TTLL11: variants seen among roughly 807,000 people sequenced by gnomAD.
TTLL11 encodes tubulin tyrosine ligase like 11.
Under a neutral mutation model 51.7 loss-of-function variants are expected in TTLL11, and 42 were observed. The observed-to-expected ratio is 0.81, with a 90% confidence interval of 0.64 to 1.05. TTLL11 has a LOEUF of 1.05. Ranked by LOEUF, TTLL11 falls within the 50% of genes least tolerant of loss-of-function variation. The pLI is 0.00. For missense variants in TTLL11, 799 were observed against 940.4 expected (o/e 0.85, Z 1.97); for synonymous variants, 381 against 383.5 (o/e 0.99, Z 0.08).
chr9:122,052,456 C>T (rs1189026821), intron 1 of TTLL11, among the ~76,000 whole-genome samples: 1 of 152,158 alleles, frequency 6.6e-6, no homozygotes, highest in African/African-American at 2.4e-5. Flanking sequence ...ATAATGTCGA[C>T]TTGATTGGGT....
intron 3 of TTLL11, among the ~76,000 whole-genome samples, chr9:121,992,258 C>T (rs1046740125): frequency 1.3e-5 from 2 of 152,176 alleles, no homozygotes; most frequent in African/African-American, 4.8e-5. Context: ...GACCCTTCCG[C>T]CACTACTACC....
intron 7 of TTLL11, among the ~76,000 whole-genome samples, chr9:121,861,297 G>C (rs1332983539): frequency 1.3e-5 from 2 of 152,122 alleles, no homozygotes; most frequent in Non-Finnish European, 2.9e-5. Flanking sequence ...GGCTGGTCTT[G>C]AACTCCTGAT....
Position 121,967,210 on chromosome 9 carries a change from A to ATT in TTLL11, c.1481+6797_1481+6798dup, listed in dbSNP as rs150372226. Among the ~76,000 whole-genome samples the ATT allele has an allele frequency of 1.1e-3, 70 of 63,018 alleles. 1 individual carries two copies. Among genetic ancestry groups the ATT allele is most frequent in the East Asian group, 4.0e-3 (6 of 1,482 alleles). 41.3% of individuals were successfully genotyped at this position (63,018 alleles called of 152,430 possible). ...TCTGTCAGTGATGCTTCAGCGGGAGATTTTTTTTTTTTTTTTTTTTTTTTT... is the reference window on the plus strand; with the variant it reads ...TCTGTCAGTGATGCTTCAGCGGGAGATTTTTTTTTTTTTTTTTTTTTTTTTTT... On this transcript the variant is annotated intron_variant, in intron 6 of 8. Coordinates refer to ENST00000321582, the MANE Select transcript of TTLL11 (RefSeq NM_001139442.2).
intron 6 of TTLL11, among the ~76,000 whole-genome samples, chr9:121,939,319 G>A (rs992236688): frequency 1.3e-5 from 2 of 152,090 alleles, no homozygotes; most frequent in Non-Finnish European, 2.9e-5. Context: ...AAGTAAATGT[G>A]GATCCAACAT....
intron 4 of TTLL11, among the ~76,000 whole-genome samples, chr9:121,987,303 T>A (rs1842964676): frequency 6.6e-6 from 1 of 152,164 alleles, no homozygotes; most frequent in Non-Finnish European, 1.5e-5. Flanking sequence ...GTATTCTTTT[T>A]TCATATATAT....
chr9:122,031,639 G>T, intron 3 of TTLL11, 84 bp downstream of exon 3: 1 of 1,522,416 alleles, frequency 6.6e-7, no homozygotes, highest in Non-Finnish European at 8.9e-7. Flanking sequence ...GGGACCCCCT[G>T]TCCCAGCTCC....
intron 8 of TTLL11, among the ~76,000 whole-genome samples, chr9:121,845,188 C>T (rs986527244): frequency 6.6e-6 from 1 of 151,956 alleles, no homozygotes; most frequent in African/African-American, 2.4e-5. Context: ...ATATATAATG[C>T]CTTAAGGACA....
At chr9:121,859,357 C>T (rs1018015151) in intron 8 of TTLL11, among the ~76,000 whole-genome samples, 4 of 151,296 alleles carry the variant, frequency 2.6e-5, no homozygotes, top group East Asian at 1.9e-4. Flanking sequence ...CAAAATTAGC[C>T]GGGCATGGTG....
At chr9:121,966,749 A>T (rs1224398233) in intron 6 of TTLL11, among the ~76,000 whole-genome samples, 1 of 152,214 alleles carries the variant, frequency 6.6e-6, no homozygotes, top group East Asian at 1.9e-4. Context: ...CCCAGGACCC[A>T]GGTTCCAGTC....
chr9:121,838,100 T>C (rs1201352688), intron 8 of TTLL11, among the ~76,000 whole-genome samples: 1 of 152,208 alleles, frequency 6.6e-6, no homozygotes, highest in Non-Finnish European at 1.5e-5. Flanking sequence ...CAGCCTGCTT[T>C]TTTGCCACTG....
intron 8 of TTLL11, among the ~76,000 whole-genome samples, chr9:121,845,365 A>G (rs2131361275): frequency 6.6e-6 from 1 of 152,334 alleles, no homozygotes; most frequent in East Asian, 1.9e-4. Flanking sequence ...CAAAAACTGA[A>G]GGGATCTGTT....
chr9:121,965,038 G>A (rs544273959), intron 6 of TTLL11, among the ~76,000 whole-genome samples: 6 of 152,258 alleles, frequency 3.9e-5, no homozygotes, highest in Non-Finnish European at 7.4e-5. Flanking sequence ...AAACACTCGA[G>A]ATAAATAAAT....
At chr9:122,025,642 A>T (rs1588215372) in intron 3 of TTLL11, among the ~76,000 whole-genome samples, 1 of 152,258 alleles carries the variant, frequency 6.6e-6, no homozygotes, top group Non-Finnish European at 1.5e-5. Flanking sequence ...AAATAGACTG[A>T]CCATTACCAA....
At position 122,031,768 on chromosome 9, in the gene TTLL11, A is replaced by G. The variant is rs1844555873; in HGVS notation, c.648T>C (p.Pro216=). 1.2e-6 allele frequency: 2 copies of G among 1,613,440 alleles called. No homozygotes were observed. The highest frequency in any genetic ancestry group is 1.1e-5 in the South Asian group (1 of 91,050). The change falls in exon 3 of 9, where the codon CCT becomes CCC. Residue 216 remains proline, a synonymous_variant. Transcript: ENST00000321582. ...NLFPEEYNFY[P]RSWILPDEFQ... ...ACTCGTCAGGCAGAATCCATGAGCG[A>G]GGGTAGAAGTTGTACTCCTCAGGAA...
intron 8 of TTLL11, among the ~76,000 whole-genome samples, chr9:121,842,974 T>G (rs1251925163): frequency 6.6e-6 from 1 of 152,170 alleles, no homozygotes; most frequent in Non-Finnish European, 1.5e-5. Flanking sequence ...ATCTCAGGAT[T>G]GTTGGGAGAT....
chr9:121,871,048 A>G (rs766053116), intron 6 of TTLL11, among the ~76,000 whole-genome samples: 1 of 152,226 alleles, frequency 6.6e-6, no homozygotes, highest in African/African-American at 2.4e-5. Flanking sequence ...TCTGTTATGT[A>G]GCAGTCTGGA....
At chr9:121,889,681 C>CACGA (rs1398320979) in intron 6 of TTLL11, among the ~76,000 whole-genome samples, 5 of 152,168 alleles carry the variant, frequency 3.3e-5, no homozygotes, top group African/African-American at 7.2e-5. Flanking sequence ...ATGGGTGGAT[C>CACGA]ACGAGGTCAG....
Position 121,988,192 on chromosome 9 carries a change from C to A in TTLL11, c.1269+1003G>T, listed in dbSNP as rs115174123. On this transcript the variant is annotated intron_variant, in intron 4 of 8. Coordinates refer to ENST00000321582, the MANE Select transcript of TTLL11 (RefSeq NM_001139442.2). Reference sequence around the variant, plus strand: ...CCCCCCTACCTTCACCACAACCTTCCCAGTCCATACCACCATCCTCTCCAG... The same window carrying A: ...CCCCCCTACCTTCACCACAACCTTCACAGTCCATACCACCATCCTCTCCAG... Among the ~76,000 whole-genome samples, 1,181 of 152,200 alleles carry A rather than the reference C, an allele frequency of 7.8e-3. 15 individuals are homozygous for A. The highest frequency in any genetic ancestry group is 0.028 in the African/African-American group (1,149 of 41,500).
intron 6 of TTLL11, among the ~76,000 whole-genome samples, chr9:121,963,917 T>A (rs916250118): frequency 2.6e-5 from 4 of 152,362 alleles, no homozygotes; most frequent in Admixed American, 6.5e-5. Flanking sequence ...TTTCAAGGTA[T>A]GGGGAACGCA....
Sources: allele counts gnomAD v4.1 joint callset (sites outside exome capture counted in the v4.1 genomes callset), GRCh38; gene constraint gnomAD v4.1.1; transcripts MANE v1.5; gene names NCBI Gene and HGNC (gene_info 2026-07-23, HGNC 2026-07-21).